EML5: variants seen among roughly 807,000 people sequenced by gnomAD.
The protein encoded by EML5 is EMAP like 5.
A neutral mutation model predicts 250.0 loss-of-function variants in EML5; 120 were observed. That is an observed-to-expected ratio of 0.48 (90% CI 0.41 to 0.56). The LOEUF is 0.56. EML5 is among the 20% of genes least tolerant of loss of function. The probability of loss-of-function intolerance (pLI) is 0.00; values close to 1 mark genes in which losing one functional copy is unlikely to be tolerated. For synonymous variants in EML5, 771 were observed against 806.5 expected, an observed-to-expected ratio of 0.96 and a Z score of 0.75; for missense variants, 2,006 against 2,437.6, an observed-to-expected ratio of 0.82 and a Z score of 3.73.
chr14:88,695,261 T>C, intron 16 of EML5, 100 bp downstream of exon 16: 3 of 818,674 alleles, frequency 3.7e-6, no homozygotes, highest in Non-Finnish European at 5.8e-6. Context: ...AATAAAAAGT[T>C]ACATATTTGC....
intron 21 of EML5, among the ~76,000 whole-genome samples, chr14:88,679,485 A>G (rs972172900): frequency 6.6e-6 from 1 of 152,056 alleles, no homozygotes; most frequent in Admixed American, 6.6e-5. Context: ...TGAGGTCAGG[A>G]GTTCAAGACC....
At chr14:88,785,738 AC>A (rs112769195) in intron 1 of EML5, among the ~76,000 whole-genome samples, 8,900 of 151,998 alleles carry the variant, frequency 0.059, 701 homozygotes, top group African/African-American at 0.17. Flanking sequence ...CACTGTTACC[AC>A]CCCAGTCCAA....
intron 21 of EML5, among the ~76,000 whole-genome samples, chr14:88,670,979 C>T (rs1173275516): frequency 1.3e-5 from 2 of 152,090 alleles, no homozygotes; most frequent in East Asian, 1.9e-4. Flanking sequence ...AGTTGTAAAA[C>T]GTACTTCAGG....
intron 23 of EML5, among the ~76,000 whole-genome samples, 162 bp downstream of exon 23, chr14:88,664,331 T>C (rs1295108922): frequency 6.6e-6 from 1 of 151,756 alleles, no homozygotes; most frequent in Non-Finnish European, 1.5e-5. Context: ...CTCTATAGTA[T>C]TCATCTTCAG....
intron 1 of EML5, among the ~76,000 whole-genome samples, chr14:88,772,848 A>G (rs7160305): frequency 0.64 from 97,287 of 151,990 alleles, 33,155 homozygotes; most frequent in East Asian, 0.94. Flanking sequence ...TGGCCTTTCT[A>G]TCCCTTAAAA....
intron 8 of EML5, among the ~76,000 whole-genome samples, chr14:88,720,806 T>C (rs2093577983): frequency 6.6e-6 from 1 of 152,176 alleles, no homozygotes; most frequent in African/African-American, 2.4e-5. Context: ...AAATAAAGCA[T>C]ATTCAAATAG....
At chr14:88,720,763 A>C (rs1011071876) in intron 8 of EML5, among the ~76,000 whole-genome samples, 4 of 152,308 alleles carry the variant, frequency 2.6e-5, no homozygotes, top group Middle Eastern at 3.4e-3. Flanking sequence ...CACAGTATTG[A>C]AGTTCTGGCC....
At chr14:88,771,195 T>A (rs912033565) in intron 1 of EML5, among the ~76,000 whole-genome samples, 8 of 152,250 alleles carry the variant, frequency 5.3e-5, no homozygotes, top group Non-Finnish European at 5.9e-5. Flanking sequence ...CTGGTAAATG[T>A]GCATCCTTTT....
chr14:88,658,460 A>C (rs2091951586), intron 25 of EML5, 72 bp from the exon 26 acceptor site: 1 of 1,193,552 alleles, frequency 8.4e-7, no homozygotes, highest in Non-Finnish European at 1.2e-6. Context: ...TATGATTTTG[A>C]ATTTTATTAA....
chr14:88,725,252 T>C (rs1158958690), intron 8 of EML5, among the ~76,000 whole-genome samples: 1 of 152,084 alleles, frequency 6.6e-6, no homozygotes, highest in Non-Finnish European at 1.5e-5. Flanking sequence ...CACAACAATG[T>C]GAATGTACTT....
At chr14:88,713,749 C>T (rs914889256) in intron 9 of EML5, among the ~76,000 whole-genome samples, 2 of 151,268 alleles carry the variant, frequency 1.3e-5, no homozygotes, top group Admixed American at 6.6e-5. Flanking sequence ...AGGCACTGCA[C>T]ATAGCCTATT....
intron 27 of EML5, among the ~76,000 whole-genome samples, chr14:88,654,704 G>A (rs2091796159): frequency 2.0e-5 from 3 of 152,108 alleles, no homozygotes; most frequent in African/African-American, 7.2e-5. Flanking sequence ...TTCCAATTAT[G>A]TGGTCAAATT....
chr14:88,655,291 T>C (rs2091826392), intron 27 of EML5, among the ~76,000 whole-genome samples: 1 of 151,988 alleles, frequency 6.6e-6, no homozygotes, highest in African/African-American at 2.4e-5. Flanking sequence ...TATAGACCAA[T>C]GGAACAGAAC....
intron 33 of EML5, among the ~76,000 whole-genome samples, chr14:88,630,023 ATTT>A (rs58382081): frequency 0.029 from 2,452 of 84,248 alleles, 105 homozygotes; most frequent in Admixed American, 0.18. Context: ...TAAAAACTGT[ATTT>A]TTTTTTTTTT....
intron 1 of EML5, among the ~76,000 whole-genome samples, chr14:88,760,821 CTT>C (rs933491619): frequency 6.6e-6 from 1 of 151,982 alleles, no homozygotes; most frequent in African/African-American, 2.4e-5. Context: ...TTCAGGTATT[CTT>C]TGTTTTCTGT....
chr14:88,719,367 C>T (rs763192905), intron 8 of EML5, among the ~76,000 whole-genome samples: 3 of 152,192 alleles, frequency 2.0e-5, no homozygotes, highest in Non-Finnish European at 2.9e-5. Context: ...GCCTGGGCAA[C>T]AGAGCGAGAC....
At chr14:88,714,272 T>C (rs1373105713) in intron 9 of EML5, among the ~76,000 whole-genome samples, 1 of 152,216 alleles carries the variant, frequency 6.6e-6, no homozygotes, top group Non-Finnish European at 1.5e-5. Context: ...CCATACACTA[T>C]ACTCATGGTA....
intron 1 of EML5, among the ~76,000 whole-genome samples, chr14:88,759,560 C>T (rs1406609994): frequency 2.0e-5 from 3 of 151,500 alleles, no homozygotes; most frequent in South Asian, 2.1e-4. Context: ...GGTACATGCC[C>T]GTAGTCCCAG....
chr14:88,754,416 C>G, intron 2 of EML5, 96 bp downstream of exon 2: 1 of 1,157,640 alleles, frequency 8.6e-7, no homozygotes, highest in Non-Finnish European at 1.1e-6. Flanking sequence ...AAATAATTTT[C>G]ATCAAGTGTC....
Sources: allele counts gnomAD v4.1 joint callset (sites outside exome capture counted in the v4.1 genomes callset), GRCh38; gene constraint gnomAD v4.1.1; transcripts MANE v1.5; gene names NCBI Gene and HGNC (gene_info 2026-07-23, HGNC 2026-07-21).